Variants in TSPAN4 observed in about 807,000 individuals in gnomAD.
TSPAN4 encodes tetraspanin-4.
A neutral mutation model predicts 31.5 loss-of-function variants in TSPAN4; 38 were observed. That is an observed-to-expected ratio of 1.21 (90% confidence interval 0.93 to 1.58). The LOEUF is 1.58. TSPAN4 is among the 40% of genes most tolerant of loss of function. The pLI, the probability that TSPAN4 is intolerant of heterozygous loss-of-function variation, is 0.00. For missense variants in TSPAN4, 330 were observed against 317.3 expected (o/e 1.04, Z -0.30); for synonymous variants, 186 against 144.6 (o/e 1.29, Z -2.06).
intron 3 of TSPAN4, among the ~76,000 whole-genome samples, chr11:851,883 C>T (rs925296289): frequency 1.3e-5 from 2 of 152,070 alleles, no homozygotes; most frequent in East Asian, 1.9e-4. Context: ...TCCTGTCCTC[C>T]GTGGCCTGGA....
rs745969342 is a variant in TSPAN4 at position 865,972 on chromosome 11, A to T, written c.619A>T (p.Ile207Phe). 1 of 1,612,432 alleles carries T rather than the reference A, an allele frequency of 6.2e-7. No homozygotes were observed. Among genetic ancestry groups the T allele is most frequent in the Non-Finnish European group, 8.5e-7 (1 of 1,179,982 alleles). ...WLQENLLAVGIFGLCTALVQI... is the reference protein window; with the variant it reads ...WLQENLLAVGFFGLCTALVQI... ...TCAGGAGAACCTGCTGGCTGTGGGCATCTTTGGGCTGTGCACGGCGCTGGT... is the reference window on the plus strand; with the variant it reads ...TCAGGAGAACCTGCTGGCTGTGGGCTTCTTTGGGCTGTGCACGGCGCTGGT... Residue 207 changes from isoleucine to phenylalanine, a missense_variant, in exon 8 of 9, where the codon ATC (isoleucine) becomes TTC (phenylalanine). By Grantham distance (21) the Ile-to-Phe change is conservative. Transcript: ENST00000397397.
intron 3 of TSPAN4, among the ~76,000 whole-genome samples, chr11:861,385 C>G (rs901453133): frequency 6.6e-6 from 1 of 151,978 alleles, no homozygotes. Flanking sequence ...GAGGCCGAGA[C>G]GGGCTGATCA....
chr11:851,488 C>G (rs1049954700), intron 3 of TSPAN4, among the ~76,000 whole-genome samples: 1 of 152,216 alleles, frequency 6.6e-6, no homozygotes, highest in Non-Finnish European at 1.5e-5. Flanking sequence ...TGAGCCCAGG[C>G]TCCTTCTCTA....
At chr11:852,156 C>T (rs1303210342) in intron 3 of TSPAN4, among the ~76,000 whole-genome samples, 5 of 152,172 alleles carry the variant, frequency 3.3e-5, no homozygotes, top group African/African-American at 1.2e-4. Context: ...GAGATAGAGT[C>T]TTGCTCTGTC....
At chr11:850,216 C>A in intron 2 of TSPAN4, 72 bp from the exon 3 acceptor site, 1 of 1,299,778 alleles carries the variant, frequency 7.7e-7, no homozygotes. Context: ...GCGGCCCAGG[C>A]GCGCTACACG....
intron 4 of TSPAN4, 127 bp downstream of exon 4, chr11:862,868 G>A: frequency 9.4e-7 from 1 of 1,066,994 alleles, no homozygotes; most frequent in South Asian, 1.7e-5. Flanking sequence ...CGGACCTCCA[G>A]GCTGGCAGTG....
At chr11:864,201 A>G in intron 4 of TSPAN4, 2 of 588,834 alleles carry the variant, frequency 3.4e-6, no homozygotes, top group South Asian at 2.0e-5. Context: ...AGCCCAGGCC[A>G]GCCCAGGGCC....
chr11:852,964 C>A (rs549567638), intron 3 of TSPAN4, among the ~76,000 whole-genome samples: 1 of 152,282 alleles, frequency 6.6e-6, no homozygotes, highest in African/African-American at 2.4e-5. Context: ...AGTGGGCAGC[C>A]AGTGACCAGA....
Position 854,513 on chromosome 11 carries a change from G to A in TSPAN4, c.63+4146G>A, listed in dbSNP as rs371098572. ...CCCCACCACCTGCGCTGATCCCCGG[G>A]GAGACCCCCCAGGTGGGCAGTGTGA... is the stretch of plus-strand genomic sequence containing the variant. On this transcript the variant is annotated intron_variant, in intron 3 of 8. Transcript: ENST00000397397. Among the ~76,000 whole-genome samples the A allele has an allele frequency of 3.2e-3, 488 of 152,244 alleles. 3 individuals are homozygous for A. The highest frequency in any genetic ancestry group is 0.011 in the African/African-American group (470 of 41,574).
At chr11:862,921 T>C in intron 4 of TSPAN4, 180 bp downstream of exon 4, 1 of 639,856 alleles carries the variant, frequency 1.6e-6, no homozygotes, top group Non-Finnish European at 2.6e-6. Flanking sequence ...CAGGCCACAC[T>C]GGGGCTGGGG....
At chr11:849,478 C>T (rs1276887402) in intron 2 of TSPAN4, among the ~76,000 whole-genome samples, 1 of 152,124 alleles carries the variant, frequency 6.6e-6, no homozygotes, top group Non-Finnish European at 1.5e-5. Flanking sequence ...AAGCCCGGCC[C>T]GGGGCCAGAG....
At position 862,636 on chromosome 11, in the gene TSPAN4, CCT is replaced by C; in HGVS notation, c.151_152del (p.Leu51ValfsTer61). 5.0e-6 allele frequency: 8 copies of C among 1,613,420 alleles called. No individual in the cohort carries two copies. Among genetic ancestry groups the C allele is most frequent in the Non-Finnish European group, 6.8e-6 (8 of 1,179,914 alleles). ...CCACGCTGTCCTCTTCCTTCCCGTCCCTGTCGGCTGCCAACTTGCTCATCATC... is the reference window on the plus strand; with the variant it reads ...CCACGCTGTCCTCTTCCTTCCCGTCCGTCGGCTGCCAACTTGCTCATCATC... The part of the protein sequence containing the change: ...FATLSSSFPS[L>X]SAANLLIITG... On this transcript the variant is annotated frameshift_variant, in exon 4 of 9. Coordinates refer to ENST00000397397, the MANE Select transcript of TSPAN4 (RefSeq NM_003271.5). LOFTEE classifies it high-confidence loss of function.
chr11:854,251 C>T (rs946534775), intron 3 of TSPAN4, among the ~76,000 whole-genome samples: 4 of 152,202 alleles, frequency 2.6e-5, no homozygotes, highest in Non-Finnish European at 4.4e-5. Context: ...TTTCTCTTCA[C>T]CCGCAGCACC....
intron 3 of TSPAN4, among the ~76,000 whole-genome samples, chr11:852,684 C>G (rs1399726526): frequency 2.0e-5 from 3 of 152,262 alleles, no homozygotes; most frequent in Non-Finnish European, 2.9e-5. Context: ...CTAGCGCTCC[C>G]CTTCCCCAGG....
intron 4 of TSPAN4, 107 bp downstream of exon 4, chr11:862,848 C>A: frequency 8.1e-7 from 1 of 1,234,128 alleles, no homozygotes; most frequent in Non-Finnish European, 1.1e-6. Context: ...GTGGGCACCA[C>A]CTCTGGGGCC....
chr11:862,447 C>T (rs933208735), intron 3 of TSPAN4, 103 bp from the exon 4 acceptor site: 51 of 1,115,784 alleles, frequency 4.6e-5, no homozygotes, highest in South Asian at 2.2e-4. Flanking sequence ...CTCAGGCTGG[C>T]AGGCGGCATG....
intron 3 of TSPAN4, among the ~76,000 whole-genome samples, chr11:858,974 C>T (rs1641661526): frequency 1.5e-5 from 2 of 134,714 alleles, no homozygotes; most frequent in East Asian, 2.4e-4. Context: ...CACACATGCA[C>T]CCCGGCTCAC....
In TSPAN4 at chr11:856,629, C is replaced by T. The variant is rs532443873; in HGVS notation, c.64-5921C>T. ...TATTGAGCGTGTGGGGAGGGAGCTC[C>T]TCTGGTTTCCGGGTCCAGGCCCAGA... On this transcript the variant is annotated intron_variant, in intron 3 of 8. Transcript: ENST00000397397. 4.6e-5 allele frequency among the ~76,000 whole-genome samples: 7 copies of T among 152,304 alleles called. No homozygotes were observed. The South Asian group carries it at 1.4e-3, about 32-fold the overall frequency.
At chr11:862,329 T>C (rs1413256357) in intron 3 of TSPAN4, 2 of 538,458 alleles carry the variant, frequency 3.7e-6, no homozygotes, top group East Asian at 3.2e-5. Context: ...GGCCATGGAG[T>C]GTGGGTTTGG....
Sources: allele counts gnomAD v4.1 joint callset (sites outside exome capture counted in the v4.1 genomes callset), GRCh38; gene constraint gnomAD v4.1.1; transcripts MANE v1.5; gene names NCBI Gene and HGNC (gene_info 2026-07-23, HGNC 2026-07-21).